Variants in CFAP100 observed in about 807,000 individuals in gnomAD.
CFAP100 encodes the protein cilia- and flagella-associated protein 100.
A neutral mutation model predicts 81.5 loss-of-function variants in CFAP100; 70 were observed. That is an observed-to-expected ratio of 0.86 (90% CI 0.71 to 1.05). The LOEUF (loss-of-function observed/expected upper bound fraction) is 1.05, where lower values mean the gene tolerates loss of function less well. Ranked by LOEUF, CFAP100 falls within the 50% of genes least tolerant of loss-of-function variation. The pLI is 0.00. For synonymous variants in CFAP100, 341 were observed against 314.8 expected, an observed-to-expected ratio of 1.08 and a Z score of -0.88; for missense variants, 811 against 776.5, an observed-to-expected ratio of 1.04 and a Z score of -0.53.
At chr3:126,409,932 G>T (rs183942618) in intron 3 of CFAP100, among the ~76,000 whole-genome samples, 1 of 152,332 alleles carries the variant, frequency 6.6e-6, no homozygotes, top group Non-Finnish European at 1.5e-5. Flanking sequence ...TGGGCACAGT[G>T]GCTCACCCCT....
In CFAP100 at chr3:126,411,361, G is replaced by GTTTTTTTTTTTTTT. The variant is rs58954079; in HGVS notation, c.131-2711_131-2698dup. 8.2e-4 allele frequency among the ~76,000 whole-genome samples: 29 copies of GTTTTTTTTTTTTTT among 35,388 alleles called. 4 individuals are homozygous for GTTTTTTTTTTTTTT. Among genetic ancestry groups the GTTTTTTTTTTTTTT allele is most frequent in the Admixed American group, 1.6e-3 (3 of 1,836 alleles). 23.2% of individuals were successfully genotyped at this position (35,388 alleles called of 152,430 possible). A position where few individuals can be genotyped will look rare whatever the true frequency, so the allele number is the denominator to read the frequency against. ...TCTGTAGTTTTTTTTGTTGTTGTTG[G>GTTTTTTTTTTTTTT]TTTTTTTTTTTTTTTTTTTTTTTTT... On this transcript the variant is annotated intron_variant, in intron 3 of 16. Coordinates refer to ENST00000352312, the MANE Select transcript of CFAP100 (RefSeq NM_182628.3).
At position 126,416,473 on chromosome 3, in the gene CFAP100, G is replaced by T. The variant is rs775723439; in HGVS notation, c.383G>T (p.Arg128Leu). The change falls in exon 5 of 17, where the codon CGC becomes CTC. Residue 128 changes from arginine (R) to leucine (L), a missense_variant. Arg to Leu is a moderately radical substitution (Grantham distance 102). Coordinates refer to ENST00000352312, the MANE Select transcript of CFAP100 (RefSeq NM_182628.3). ...GAGGCCGAGCATCAGCGCGCCTTCC[G>T]CGACTACACGACCTGGAAGCTCACC... ...RAEAEHQRAFRDYTTWKLTLT... is the reference protein window; with the variant it reads ...RAEAEHQRAFLDYTTWKLTLT... 6.2e-7 allele frequency: 1 copy of T among 1,605,422 alleles called. No homozygotes were observed. Among genetic ancestry groups the T allele is most frequent in the Non-Finnish European group, 8.5e-7 (1 of 1,176,106 alleles).
At chr3:126,418,035 G>A in intron 5 of CFAP100, 1 of 173,788 alleles carries the variant, frequency 5.8e-6, no homozygotes, top group Non-Finnish European at 1.2e-5. Context: ...TGCCCAGTTT[G>A]CTCGGGGGGC....
intron 15 of CFAP100, chr3:126,434,641 T>C (rs892064319): frequency 3.3e-5 from 15 of 456,904 alleles, no homozygotes; most frequent in Admixed American, 1.5e-4. Context: ...GTCTAGAAGA[T>C]AGAAGAGCTG....
At position 126,436,382 on chromosome 3, in the gene CFAP100, AGCT is replaced by A. The variant is rs780285296; in HGVS notation, c.1818_1820del (p.Leu607del). The stretch of plus-strand genomic sequence containing the variant: ...ACACTGATGGACAAGGAGGAGGAGG[AGCT>A]GCTATTTTTCTTTACTTAATCTTCG... On this transcript the variant is annotated inframe_deletion, in exon 17 of 17. Coordinates refer to ENST00000352312, the MANE Select transcript of CFAP100 (RefSeq NM_182628.3). 3 of 1,613,956 alleles carry A rather than the reference AGCT, an allele frequency of 1.9e-6. No individual in the cohort carries two copies. Among genetic ancestry groups the A allele is most frequent in the African/African-American group, 1.3e-5 (1 of 75,056 alleles).
chr3:126,420,952 G>A (rs1445227695), intron 11 of CFAP100: 1 of 152,196 alleles, frequency 6.6e-6, no homozygotes, highest in East Asian at 1.9e-4. Flanking sequence ...GACCAGCCCG[G>A]TGTGGTGTGG....
intron 13 of CFAP100, among the ~76,000 whole-genome samples, chr3:126,424,181 C>CGG (rs1380031287): frequency 1.3e-5 from 2 of 152,170 alleles, no homozygotes; most frequent in Non-Finnish European, 2.9e-5. Context: ...AGCAGCATAA[C>CGG]GGGGACGGGA....
chr3:126,407,839 C>T (rs563032279), intron 3 of CFAP100, among the ~76,000 whole-genome samples: 2 of 152,322 alleles, frequency 1.3e-5, no homozygotes, highest in Admixed American at 6.5e-5. Context: ...TAGCTAGCTG[C>T]ATGTGCCTCA....
chr3:126,423,757 T>C, intron 13 of CFAP100, 113 bp downstream of exon 13: 1 of 1,269,032 alleles, frequency 7.9e-7, no homozygotes, highest in Non-Finnish European at 1.1e-6. Flanking sequence ...GGCCCTGGCC[T>C]GGTCCAGGTT....
In CFAP100 at chr3:126,419,143, G is replaced by A. The variant is rs536010052; in HGVS notation, c.718G>A (p.Val240Ile). Residue 240 changes from valine (V) to isoleucine (I), a missense_variant, in exon 8 of 17, where the codon GTT becomes ATT. Val to Ile is a conservative substitution (Grantham distance 29, BLOSUM62 3). Coordinates refer to ENST00000352312, the MANE Select transcript of CFAP100 (RefSeq NM_182628.3). Reference protein sequence around the residue: ...LEIRDLTTQIVNIKSEISRFE... With the variant: ...LEIRDLTTQIINIKSEISRFE... Reference sequence around the variant, plus strand: ...GATCCGGGACCTCACCACCCAGATTGTTAATATCAAAAGGTGAGGTCAGAG... The same window carrying A: ...GATCCGGGACCTCACCACCCAGATTATTAATATCAAAAGGTGAGGTCAGAG... The A allele has an allele frequency of 6.4e-7, 1 of 1,560,086 alleles. No homozygotes were observed. Among genetic ancestry groups the A allele is most frequent in the African/African-American group, 1.4e-5 (1 of 73,522 alleles).
At chr3:126,409,273 A>G (rs900442708) in intron 3 of CFAP100, among the ~76,000 whole-genome samples, 1 of 152,152 alleles carries the variant, frequency 6.6e-6, no homozygotes, top group African/African-American at 2.4e-5. Context: ...CTATCCTTTC[A>G]GTTTTCGCTC....
chr3:126,396,152 A>C (rs2082884932), intron 2 of CFAP100, 103 bp downstream of exon 2: 4 of 878,236 alleles, frequency 4.6e-6, no homozygotes, highest in Non-Finnish European at 7.7e-6. Context: ...AACACTAGGC[A>C]GGAGTCATAG....
intron 13 of CFAP100, among the ~76,000 whole-genome samples, chr3:126,429,450 T>TA (rs770610703): frequency 9.1e-4 from 139 of 152,202 alleles, no homozygotes; most frequent in Admixed American, 1.6e-3. Context: ...GTTTTTGACT[T>TA]AAAGTCTATT....
At chr3:126,413,000 C>T (rs532583073) in intron 3 of CFAP100, among the ~76,000 whole-genome samples, 7 of 152,250 alleles carry the variant, frequency 4.6e-5, no homozygotes, top group Non-Finnish European at 8.8e-5. Flanking sequence ...ATGGGCCGCC[C>T]ATGCGTGTTC....
At chr3:126,422,496 CA>C (rs201822386) in intron 11 of CFAP100, among the ~76,000 whole-genome samples, 1 of 151,186 alleles carries the variant, frequency 6.6e-6, no homozygotes, top group Non-Finnish European at 1.5e-5. Flanking sequence ...CAGCCCCCCC[CA>C]CCTCAGTCAG....
At chr3:126,417,487 GC>G (rs1469719536) in intron 5 of CFAP100, among the ~76,000 whole-genome samples, 1 of 152,252 alleles carries the variant, frequency 6.6e-6, no homozygotes, top group African/African-American at 2.4e-5. Flanking sequence ...CTGGGGAGTG[GC>G]GCCCTGAGCT....
intron 13 of CFAP100, among the ~76,000 whole-genome samples, chr3:126,430,638 A>G (rs1416812767): frequency 6.6e-6 from 1 of 150,896 alleles, no homozygotes; most frequent in Non-Finnish European, 1.5e-5. Flanking sequence ...TTGCTCCTCT[A>G]GCTGGCTAAT....
chr3:126,402,676 C>G (rs1442953416), intron 2 of CFAP100, among the ~76,000 whole-genome samples: 2 of 151,846 alleles, frequency 1.3e-5, no homozygotes, highest in East Asian at 3.9e-4. Flanking sequence ...TTTTCTATCT[C>G]CAGGGATTAG....
chr3:126,407,380 G>T, intron 3 of CFAP100, 128 bp downstream of exon 3: 1 of 570,942 alleles, frequency 1.8e-6, no homozygotes. Flanking sequence ...TTTCCATTAG[G>T]AATTGGGTTG....
Sources: allele counts gnomAD v4.1 joint callset (sites outside exome capture counted in the v4.1 genomes callset), GRCh38; gene constraint gnomAD v4.1.1; transcripts MANE v1.5; gene names NCBI Gene and HGNC (gene_info 2026-07-23, HGNC 2026-07-21).